Variants in FRMD4B observed in about 807,000 individuals in gnomAD.
FRMD4B encodes the protein FERM domain-containing protein 4B.
In FRMD4B, 74 loss-of-function variants were observed where a neutral mutation model predicts 141.5. The observed-to-expected ratio is 0.52, with a 90% CI of 0.43 to 0.63. FRMD4B has a LOEUF of 0.63. Ranked by LOEUF, FRMD4B falls within the 30% of genes least tolerant of loss-of-function variation. FRMD4B has a pLI of 0.00. For synonymous variants in FRMD4B, 506 were observed against 467.9 expected (o/e 1.08, Z -1.05); for missense variants, 1,366 against 1,253.4 (o/e 1.09, Z -1.36).
chr3:69,474,238 GAA>G (rs1453813828), intron 1 of FRMD4B, among the ~76,000 whole-genome samples: 1 of 152,154 alleles, frequency 6.6e-6, no homozygotes, highest in Non-Finnish European at 1.5e-5. Context: ...AAGGAAGAAA[GAA>G]ATGTATTTGA....
At chr3:69,437,795 A>T (rs1301181035) in intron 1 of FRMD4B, among the ~76,000 whole-genome samples, 1 of 119,612 alleles carries the variant, frequency 8.4e-6, no homozygotes, top group African/African-American at 3.4e-5. Flanking sequence ...ATATTTATAT[A>T]TATTTATATT....
chr3:69,229,585 A>G (rs563836193), intron 7 of FRMD4B, among the ~76,000 whole-genome samples: 20 of 152,248 alleles, frequency 1.3e-4, no homozygotes, highest in Non-Finnish European at 2.8e-4. Context: ...CGACTGACAC[A>G]GATAGCTTGG....
intron 1 of FRMD4B, among the ~76,000 whole-genome samples, chr3:69,347,547 T>C (rs1046973875): frequency 5.3e-5 from 8 of 152,168 alleles, no homozygotes; most frequent in African/African-American, 1.7e-4. Flanking sequence ...CAGCACCACA[T>C]TGCACTTATT....
At chr3:69,516,935 G>GC (rs1310847092) in intron 1 of FRMD4B, among the ~76,000 whole-genome samples, 1 of 152,078 alleles carries the variant, frequency 6.6e-6, no homozygotes, top group Non-Finnish European at 1.5e-5. Flanking sequence ...TCTTTGCTGT[G>GC]CCCATATTTC....
chr3:69,288,295 C>T (rs1003100437), intron 4 of FRMD4B, among the ~76,000 whole-genome samples: 4 of 152,238 alleles, frequency 2.6e-5, no homozygotes, highest in African/African-American at 9.6e-5. Flanking sequence ...GGCCTGAGGG[C>T]CCCATGCCTA....
chr3:69,355,417 G>A (rs1057128689), intron 1 of FRMD4B, among the ~76,000 whole-genome samples: 5 of 152,158 alleles, frequency 3.3e-5, no homozygotes, highest in Non-Finnish European at 5.9e-5. Context: ...TTATTTGACA[G>A]AACCTTCTAT....
At chr3:69,443,140 A>T (rs190368574) in intron 1 of FRMD4B, among the ~76,000 whole-genome samples, 1 of 152,292 alleles carries the variant, frequency 6.6e-6, no homozygotes, top group Admixed American at 6.5e-5. Context: ...TGGAAATTTC[A>T]GTCCCACCCC....
At chr3:69,483,428 G>A (rs530609810) in intron 1 of FRMD4B, among the ~76,000 whole-genome samples, 2 of 152,316 alleles carry the variant, frequency 1.3e-5, no homozygotes, top group African/African-American at 2.4e-5. Flanking sequence ...ATCCCATAGA[G>A]GTTTCCTCTG....
At chr3:69,316,601 G>A (rs1392728979) in intron 1 of FRMD4B, among the ~76,000 whole-genome samples, 2 of 151,808 alleles carry the variant, frequency 1.3e-5, no homozygotes, top group African/African-American at 2.4e-5. Context: ...TACCAGAGGA[G>A]GATATAATTA....
chr3:69,323,877 A>G (rs895184587), intron 1 of FRMD4B, among the ~76,000 whole-genome samples: 17 of 151,668 alleles, frequency 1.1e-4, no homozygotes, highest in Admixed American at 2.0e-4. Flanking sequence ...TTCCTATCTC[A>G]TACATCCTAT....
intron 1 of FRMD4B, among the ~76,000 whole-genome samples, chr3:69,478,120 A>G (rs931702329): frequency 3.3e-4 from 50 of 152,186 alleles, no homozygotes; most frequent in African/African-American, 1.1e-3. Context: ...TCTTGCTAGC[A>G]GTCTATCAAT....
chr3:69,394,983 G>A (rs964700600), intron 2 of FRMD4B, among the ~76,000 whole-genome samples: 6 of 152,012 alleles, frequency 3.9e-5, no homozygotes, highest in East Asian at 1.9e-4. Flanking sequence ...ACCTGGACAC[G>A]GGGAGGAGAA....
intron 1 of FRMD4B, among the ~76,000 whole-genome samples, chr3:69,514,720 A>AAATT (rs1700723480): frequency 6.6e-6 from 1 of 151,562 alleles, no homozygotes; most frequent in Non-Finnish European, 1.5e-5. Context: ...ATAAATAAAT[A>AAATT]AATAAATGGA....
chr3:69,475,771 G>T (rs1034907363), intron 1 of FRMD4B, among the ~76,000 whole-genome samples: 2 of 151,064 alleles, frequency 1.3e-5, no homozygotes, highest in African/African-American at 4.9e-5. Flanking sequence ...AGATCCCTGG[G>T]AATCGCCACA....
At chr3:69,367,981 C>T (rs1274895774) in intron 1 of FRMD4B, among the ~76,000 whole-genome samples, 2 of 152,206 alleles carry the variant, frequency 1.3e-5, no homozygotes, top group African/African-American at 4.8e-5. Flanking sequence ...GGTAATTTCA[C>T]CTATATGACA....
chr3:69,299,645 A>G (rs1701147673), intron 4 of FRMD4B, among the ~76,000 whole-genome samples: 1 of 152,204 alleles, frequency 6.6e-6, no homozygotes, highest in Non-Finnish European at 1.5e-5. Context: ...CTCTTTTGTT[A>G]AAGTGATTCA....
chr3:69,339,718 G>C (rs1187186801), intron 1 of FRMD4B, among the ~76,000 whole-genome samples: 1 of 152,088 alleles, frequency 6.6e-6, no homozygotes, highest in East Asian at 1.9e-4. Context: ...GACATCCATG[G>C]GACAATTCAG....
At position 69,182,529 on chromosome 3, in the gene FRMD4B, A is replaced by C. The variant is rs976624289; in HGVS notation, c.2039+69T>G. The stretch of plus-strand genomic sequence containing the variant: ...GTCACTTGAAATGATTAAAAAACAC[A>C]ATAAAGCAAGACAGAACCTCAAAGC... On this transcript the variant is annotated intron_variant, in intron 20 of 22. Transcript: ENST00000398540. 6.1e-6 allele frequency: 9 copies of C among 1,463,794 alleles called. No homozygotes were observed. The African/African-American group carries it at 1.3e-4, about 21-fold the overall frequency. 90.7% of individuals were successfully genotyped at this position (1,463,794 alleles called of 1,614,324 possible). A position where few individuals can be genotyped will look rare whatever the true frequency, so the allele number is the denominator to read the frequency against.
At chr3:69,506,264 T>C (rs1336727551) in intron 1 of FRMD4B, among the ~76,000 whole-genome samples, 2 of 152,118 alleles carry the variant, frequency 1.3e-5, no homozygotes, top group African/African-American at 4.8e-5. Flanking sequence ...TTGAGAAGAC[T>C]GGCGGGGACT....
Sources: allele counts gnomAD v4.1 joint callset (sites outside exome capture counted in the v4.1 genomes callset), GRCh38; gene constraint gnomAD v4.1.1; transcripts MANE v1.5; gene names NCBI Gene and HGNC (gene_info 2026-07-23, HGNC 2026-07-21).